RALA: variants seen among roughly 807,000 people sequenced by gnomAD.
RALA encodes RAS like proto-oncogene A.
In RALA, 5 loss-of-function variants were observed where a neutral mutation model predicts 24.0. The ratio of observed to expected loss-of-function variants is 0.21; its 90% confidence interval spans 0.11 to 0.44. RALA has a LOEUF of 0.44. RALA is among the 20% of genes least tolerant of loss of function. RALA has a pLI of 0.99. For synonymous variants in RALA, 77 were observed against 83.8 expected (o/e 0.92, Z 0.44); for missense variants, 95 against 241.2 (o/e 0.39, Z 4.01).
rs533396328 is a variant in RALA at position 39,653,035 on chromosome 7, A to T, written c.-38+29210A>T. 1.4e-3 allele frequency among the ~76,000 whole-genome samples: 207 copies of T among 145,458 alleles called. No individual in the cohort carries two copies. In the Middle Eastern group the frequency reaches 0.015, roughly 11 times the overall value. ...CTGGTCTCAAACTATTATTATTATT[A>T]TTATTATTTTTTGAGACGGAGTCTC... On this transcript the variant is annotated intron_variant, in intron 1 of 4. Coordinates refer to ENST00000005257, the MANE Select transcript of RALA (RefSeq NM_005402.4).
intron 1 of RALA, among the ~76,000 whole-genome samples, chr7:39,640,191 G>T (rs1285714121): frequency 1.3e-5 from 2 of 152,088 alleles, no homozygotes; most frequent in Non-Finnish European, 2.9e-5. Context: ...GACTATAGGT[G>T]CATGGCATCA....
At chr7:39,629,086 A>G (rs1415348730) in intron 1 of RALA, among the ~76,000 whole-genome samples, 1 of 152,222 alleles carries the variant, frequency 6.6e-6, no homozygotes, top group Admixed American at 6.5e-5. Flanking sequence ...CTTTGTGTAC[A>G]TGTATCTTTG....
chr7:39,641,738 G>A (rs1156871675), intron 1 of RALA, among the ~76,000 whole-genome samples: 1 of 152,060 alleles, frequency 6.6e-6, no homozygotes, highest in Non-Finnish European at 1.5e-5. Context: ...TATATGATGT[G>A]GATGGTGATG....
At chr7:39,639,821 G>A (rs900922731) in intron 1 of RALA, among the ~76,000 whole-genome samples, 1 of 152,020 alleles carries the variant, frequency 6.6e-6, no homozygotes, top group Non-Finnish European at 1.5e-5. Flanking sequence ...CCTGTTGCAG[G>A]ATGCCCTCAT....
intron 1 of RALA, among the ~76,000 whole-genome samples, chr7:39,679,225 G>A (rs1234957713): frequency 1.3e-5 from 2 of 151,898 alleles, no homozygotes; most frequent in African/African-American, 4.8e-5. Flanking sequence ...TCTACACCAC[G>A]GATAGACAAA....
At chr7:39,644,588 AC>A (rs1462453143) in intron 1 of RALA, among the ~76,000 whole-genome samples, 3 of 152,218 alleles carry the variant, frequency 2.0e-5, no homozygotes, top group Non-Finnish European at 2.9e-5. Context: ...TTGCATTACT[AC>A]TGAAATACTT....
At chr7:39,661,520 G>A (rs1243071674) in intron 1 of RALA, among the ~76,000 whole-genome samples, 2 of 152,134 alleles carry the variant, frequency 1.3e-5, no homozygotes, top group Non-Finnish European at 2.9e-5. Context: ...AAAACAAAGG[G>A]GCCAAAGGCC....
chr7:39,649,773 C>G (rs956617005), intron 1 of RALA, among the ~76,000 whole-genome samples: 1 of 152,060 alleles, frequency 6.6e-6, no homozygotes, highest in Admixed American at 6.6e-5. Context: ...AAAAAAGAGG[C>G]CCAAAAAGAG....
At chr7:39,658,088 G>A (rs371011765) in intron 1 of RALA, among the ~76,000 whole-genome samples, 12 of 152,274 alleles carry the variant, frequency 7.9e-5, no homozygotes, top group Non-Finnish European at 1.0e-4. Flanking sequence ...TGACTGAGGA[G>A]CGTTGTCCCT....
intron 1 of RALA, among the ~76,000 whole-genome samples, chr7:39,679,072 C>CTTT (rs11418081): frequency 6.9e-6 from 1 of 145,650 alleles, no homozygotes; most frequent in Non-Finnish European, 1.5e-5. Context: ...TGTTCTGTAT[C>CTTT]TTTTTTTTTT....
At chr7:39,675,099 TACA>T (rs1792456193) in intron 1 of RALA, among the ~76,000 whole-genome samples, 1 of 152,208 alleles carries the variant, frequency 6.6e-6, no homozygotes, top group Admixed American at 6.5e-5. Context: ...GTGCTGGGAT[TACA>T]GGCGTGAGCC....
At chr7:39,668,945 C>T (rs187430500) in intron 1 of RALA, among the ~76,000 whole-genome samples, 1 of 151,880 alleles carries the variant, frequency 6.6e-6, no homozygotes, top group East Asian at 1.9e-4. Context: ...GAAACCCCAT[C>T]TCTACTAAAA....
Position 39,679,389 on chromosome 7 carries a change from G to T in RALA, c.-37-7242G>T, listed in dbSNP as rs1302967442. ...GGCCATACGAAAACAAGTCAAGGGG[G>T]CTCTGGTTTGCTGGCCCTTGCAAAC... is the stretch of plus-strand genomic sequence containing the variant. On this transcript the variant is annotated intron_variant, in intron 1 of 4. Coordinates refer to ENST00000005257, the MANE Select transcript of RALA (RefSeq NM_005402.4). 3.9e-5 allele frequency among the ~76,000 whole-genome samples: 6 copies of T among 152,228 alleles called. No individual in the cohort carries two copies. The South Asian group carries it at 6.2e-4, about 16-fold the overall frequency.
At chr7:39,702,031 G>T (rs11975273) in intron 4 of RALA, among the ~76,000 whole-genome samples, 1 of 152,204 alleles carries the variant, frequency 6.6e-6, no homozygotes, top group African/African-American at 2.4e-5. Context: ...GTCCAAAGGG[G>T]CAGTGTGATT....
chr7:39,660,021 C>T (rs1792161378), intron 1 of RALA, among the ~76,000 whole-genome samples: 1 of 152,004 alleles, frequency 6.6e-6, no homozygotes, highest in African/African-American at 2.4e-5. Flanking sequence ...TGCCCATGGC[C>T]CCCTCTTTAA....
chr7:39,635,822 TC>T (rs992942169), intron 1 of RALA, among the ~76,000 whole-genome samples: 46 of 152,336 alleles, frequency 3.0e-4, no homozygotes, highest in African/African-American at 1.0e-3. Context: ...TTGCTCACCC[TC>T]CGCTCACCTC....
chr7:39,704,941 G>A (rs1440110976), intron 4 of RALA, among the ~76,000 whole-genome samples: 1 of 152,174 alleles, frequency 6.6e-6, no homozygotes, highest in Non-Finnish European at 1.5e-5. Flanking sequence ...CTCCCAGAGT[G>A]CTGAGATTAC....
intron 1 of RALA, among the ~76,000 whole-genome samples, chr7:39,679,140 C>T (rs887688431): frequency 1.3e-5 from 2 of 150,772 alleles, no homozygotes; most frequent in Non-Finnish European, 2.9e-5. Context: ...AGAGCTTCCT[C>T]ATTTTTTGTG....
intron 4 of RALA, among the ~76,000 whole-genome samples, chr7:39,701,397 G>A (rs920445069): frequency 1.3e-5 from 2 of 152,202 alleles, no homozygotes; most frequent in Non-Finnish European, 2.9e-5. Context: ...TGTAGTCACA[G>A]TTACTTGGGA....
Sources: gnomAD v4.1 joint callset for allele counts (sites outside exome capture counted in the v4.1 genomes callset) on GRCh38, gnomAD v4.1.1 for gene constraint, MANE v1.5 for transcripts, NCBI Gene and HGNC (gene_info 2026-07-23, HGNC 2026-07-21) for gene names.